SMG7: variants seen among roughly 807,000 people sequenced by gnomAD.
SMG7 encodes SMG7 nonsense mediated mRNA decay factor.
SMG7 carries 34 observed loss-of-function variants against 148.2 expected under a neutral mutation model. That is an observed-to-expected ratio of 0.23 (90% CI 0.17 to 0.31). The LOEUF is 0.31. Ranked by LOEUF, SMG7 falls within the 10% of genes least tolerant of loss-of-function variation. The probability of loss-of-function intolerance (pLI) is 1.00; values close to 1 mark genes in which losing one functional copy is unlikely to be tolerated. For synonymous variants in SMG7, 492 were observed against 515.1 expected (o/e 0.96, Z 0.61); for missense variants, 1,114 against 1,408.4 (o/e 0.79, Z 3.35).
At chr1:183,484,798 A>G (rs1424555239) in intron 1 of SMG7, among the ~76,000 whole-genome samples, 2 of 152,156 alleles carry the variant, frequency 1.3e-5, no homozygotes, top group Admixed American at 1.3e-4. Flanking sequence ...TATTTTATAA[A>G]TAATGTTTTT....
In SMG7 at chr1:183,483,330, G is replaced by T. The variant is rs569968067; in HGVS notation, c.29+10681G>T. Among the ~76,000 whole-genome samples the T allele has an allele frequency of 2.8e-4, 43 of 152,160 alleles. 1 individual carries two copies. The South Asian group carries it at 8.5e-3, about 30-fold the overall frequency. On this transcript the variant is annotated intron_variant, in intron 1 of 22. Transcript: ENST00000688051. ...TTTACTAATACTGCCTCTTAGAAAG[G>T]TTACGAATTATTTACTTTTGTATCA... is the stretch of plus-strand genomic sequence containing the variant.
At chr1:183,508,951 T>C (rs544069829) in intron 1 of SMG7, among the ~76,000 whole-genome samples, 1 of 152,362 alleles carries the variant, frequency 6.6e-6, no homozygotes, top group East Asian at 1.9e-4. Flanking sequence ...AACCATAATT[T>C]GGTTTGGGAA....
At chr1:183,484,492 T>G (rs555858440) in intron 1 of SMG7, among the ~76,000 whole-genome samples, 6 of 152,200 alleles carry the variant, frequency 3.9e-5, no homozygotes, top group Admixed American at 2.6e-4. Flanking sequence ...TCTTTATACC[T>G]GAAATAACAA....
chr1:183,546,449 T>C (rs1016261750), intron 17 of SMG7, 112 bp downstream of exon 17: 2 of 1,099,702 alleles, frequency 1.8e-6, no homozygotes, highest in Non-Finnish European at 2.6e-6. Context: ...GTTAGTACTA[T>C]AGAATGCCAC....
chr1:183,487,241 G>A (rs1284816725), intron 1 of SMG7, among the ~76,000 whole-genome samples: 1 of 152,084 alleles, frequency 6.6e-6, no homozygotes, highest in African/African-American at 2.4e-5. Flanking sequence ...CAGCTTTTCA[G>A]ACTGCCCACA....
chr1:183,493,155 T>TA lies in SMG7; in HGVS notation c.30-19681dup, dbSNP rs1469282319. On this transcript the variant is annotated intron_variant, in intron 1 of 22. Transcript: ENST00000688051. ...CCTGGCTAATTTTTACAAACTTTTT[T>TA]ATAAAGATAGGGTCTTATTGTATTG... Among the ~76,000 whole-genome samples, 5 of 151,952 alleles carry TA rather than the reference T, an allele frequency of 3.3e-5. No homozygotes were observed. The South Asian group carries it at 8.3e-4, about 25-fold the overall frequency.
At position 183,552,457 on chromosome 1, in the gene SMG7, A is replaced by C. The variant is rs1255091664; in HGVS notation, c.*526A>C. ...TTCTTCCATACACAGGTGTGCTTCT[A>C]GTCAGTGTGTAGCAAGGAAAGCCCC... On this transcript the variant is annotated 3_prime_UTR_variant, in exon 23 of 23. Transcript: ENST00000688051. The C allele has an allele frequency of 3.0e-6, 3 of 993,744 alleles. No individual in the cohort carries two copies. Among genetic ancestry groups the C allele is most frequent in the Non-Finnish European group, 3.6e-6 (3 of 834,654 alleles). 61.6% of individuals were successfully genotyped at this position (993,744 alleles called of 1,614,324 possible). A position where few individuals can be genotyped will look rare whatever the true frequency, so the allele number is the denominator to read the frequency against.
In SMG7 at chr1:183,527,646, C is replaced by T. The variant is rs1471797417; in HGVS notation, c.485-310C>T. 1 of 496,958 alleles carries T rather than the reference C, an allele frequency of 2.0e-6. No individual in the cohort carries two copies. 30.8% of individuals were successfully genotyped at this position (496,958 alleles called of 1,614,324 possible). On this transcript the variant is annotated intron_variant, in intron 5 of 22. Transcript: ENST00000688051. This position sits in a 1 kb window ranked among gnomAD's most constrained non-coding sequence, Gnocchi z 4.0. ...TTAAGTGCCATATAACTCACCCCTTCTTGTGGGCCGGCTCCAGGTCACCAG... is the reference window on the plus strand; with the variant it reads ...TTAAGTGCCATATAACTCACCCCTTTTTGTGGGCCGGCTCCAGGTCACCAG...
At chr1:183,506,665 A>C (rs1340879565) in intron 1 of SMG7, among the ~76,000 whole-genome samples, 1 of 150,720 alleles carries the variant, frequency 6.6e-6, no homozygotes, top group Non-Finnish European at 1.5e-5. Flanking sequence ...AAAAAAAAAA[A>C]AACACGAAAA....
intron 4 of SMG7, among the ~76,000 whole-genome samples, chr1:183,520,911 G>C (rs192614461): frequency 1.6e-4 from 25 of 152,198 alleles, no homozygotes; most frequent in Admixed American, 5.9e-4. Context: ...GATACTCTCT[G>C]AAATTTTTTT....
In SMG7 at chr1:183,541,813, G is replaced by A. The variant is rs1668919666; in HGVS notation, c.1416-263G>A. On this transcript the variant is annotated intron_variant, in intron 13 of 22. Transcript: ENST00000688051. ...ATCAAGGGCCCTAGACCAGTGTCTT[G>A]CACTTGAAGCATGCTCAGAAAATGT... Among the ~76,000 whole-genome samples, 5 of 152,302 alleles carry A rather than the reference G, an allele frequency of 3.3e-5. No homozygotes were observed. In the South Asian group the frequency reaches 1.0e-3, roughly 32 times the overall value.
intron 1 of SMG7, among the ~76,000 whole-genome samples, chr1:183,498,450 TGAG>T (rs1557973965): frequency 6.6e-6 from 1 of 152,256 alleles, no homozygotes; most frequent in East Asian, 1.9e-4. Context: ...CCTAGGAGGT[TGAG>T]GCTGCAGTAA....
chr1:183,531,499 T>G (rs1336458238), intron 8 of SMG7, among the ~76,000 whole-genome samples: 1 of 152,176 alleles, frequency 6.6e-6, no homozygotes, highest in Admixed American at 6.5e-5. Flanking sequence ...CAACCTTATT[T>G]CTGAATGGAT....
At chr1:183,538,923 A>G (rs966059195) in intron 12 of SMG7, among the ~76,000 whole-genome samples, 3 of 152,092 alleles carry the variant, frequency 2.0e-5, no homozygotes, top group Non-Finnish European at 4.4e-5. Flanking sequence ...AGGCAGGTGA[A>G]TCATGAGGTC....
intron 1 of SMG7, among the ~76,000 whole-genome samples, chr1:183,502,975 A>C (rs977190796): frequency 3.3e-5 from 5 of 152,224 alleles, no homozygotes; most frequent in African/African-American, 7.2e-5. Flanking sequence ...CTGAGAGATG[A>C]TAGTTGCCTC....
At chr1:183,541,582 G>A (rs139619367) in intron 13 of SMG7, among the ~76,000 whole-genome samples, 2 of 152,238 alleles carry the variant, frequency 1.3e-5, no homozygotes, top group Non-Finnish European at 2.9e-5. Flanking sequence ...TTCGAGTTCC[G>A]CAGCTTCTCA....
chr1:183,485,862 C>T (rs1368622008), intron 1 of SMG7, among the ~76,000 whole-genome samples: 1 of 152,168 alleles, frequency 6.6e-6, no homozygotes, highest in East Asian at 1.9e-4. Flanking sequence ...TAACAGATTA[C>T]TAAAGCTATA....
intron 18 of SMG7, among the ~76,000 whole-genome samples, chr1:183,548,557 A>G (rs1356798762): frequency 6.6e-6 from 1 of 152,092 alleles, no homozygotes; most frequent in Non-Finnish European, 1.5e-5. Flanking sequence ...TAACCCTTCC[A>G]ATATTTAACA....
At chr1:183,544,031 C>T (rs1669449653) in intron 14 of SMG7, among the ~76,000 whole-genome samples, 1 of 152,110 alleles carries the variant, frequency 6.6e-6, no homozygotes, top group Non-Finnish European at 1.5e-5. Flanking sequence ...AACTTAAAGT[C>T]ATAGACAAGT....
Sources: allele counts gnomAD v4.1 joint callset (sites outside exome capture counted in the v4.1 genomes callset), GRCh38; gene constraint gnomAD v4.1.1; non-coding constraint Gnocchi (gnomAD v3.1); transcripts MANE v1.5; gene names NCBI Gene and HGNC (gene_info 2026-07-23, HGNC 2026-07-21).